The following C10orf90 variants were observed in gnomAD, a reference collection of about 807,000 sequenced individuals.
C10orf90 encodes chromosome 10 open reading frame 90.
In C10orf90, 56 loss-of-function variants were observed where a neutral mutation model predicts 62.5. The ratio of observed to expected loss-of-function variants is 0.90; its 90% CI spans 0.72 to 1.12. The LOEUF is 1.12. Ranked by LOEUF, C10orf90 falls within the 50% of genes most tolerant of loss-of-function variation. C10orf90 has a pLI of 0.00. For missense variants in C10orf90, 970 were observed against 880.4 expected, an observed-to-expected ratio of 1.10 and a Z score of -1.29; for synonymous variants, 386 against 340.4, an observed-to-expected ratio of 1.13 and a Z score of -1.47.
chr10:126,482,930 A>G (rs1026780603), intron 4 of C10orf90, among the ~76,000 whole-genome samples: 1 of 152,162 alleles, frequency 6.6e-6, no homozygotes, highest in Non-Finnish European at 1.5e-5. Context: ...GGCTTGGGGG[A>G]CCCTTAATTT....
intron 2 of C10orf90, among the ~76,000 whole-genome samples, chr10:126,526,445 C>T (rs1041527799): frequency 3.3e-5 from 5 of 152,118 alleles, no homozygotes; most frequent in African/African-American, 9.6e-5. Context: ...GGGGTTTCAC[C>T]GTGTTAGCCA....
chr10:126,594,315 G>GAT (rs1218330338), intron 2 of C10orf90, among the ~76,000 whole-genome samples: 1 of 152,014 alleles, frequency 6.6e-6, no homozygotes, highest in African/African-American at 2.4e-5. Context: ...ATGATTGTGT[G>GAT]ATATATATGT....
Position 126,612,307 on chromosome 10 carries a change from T to C in C10orf90, c.313+34258A>G, listed in dbSNP as rs796256124. 2.0e-5 allele frequency among the ~76,000 whole-genome samples: 3 copies of C among 152,076 alleles called. No individual in the cohort carries two copies. In the South Asian group the frequency reaches 6.2e-4, roughly 32 times the overall value. On this transcript the variant is annotated intron_variant, in intron 2 of 9. Transcript: ENST00000488181. Reference sequence around the variant, plus strand: ...CCACACTCCAGCCTGGGTGACAAAGTGAGACTGTGTCTTAAATAAAAAAAA... The same window carrying C: ...CCACACTCCAGCCTGGGTGACAAAGCGAGACTGTGTCTTAAATAAAAAAAA...
intron 1 of C10orf90, among the ~76,000 whole-genome samples, chr10:126,663,223 G>A (rs1216596431): frequency 6.6e-6 from 1 of 152,178 alleles, no homozygotes; most frequent in Non-Finnish European, 1.5e-5. Flanking sequence ...AAGAGCACCC[G>A]ATTTAGAGGG....
At chr10:126,481,709 C>T (rs1161403875) in intron 4 of C10orf90, among the ~76,000 whole-genome samples, 1 of 152,196 alleles carries the variant, frequency 6.6e-6, no homozygotes, top group Non-Finnish European at 1.5e-5. Flanking sequence ...TTCTGACTTT[C>T]TCCTTCCCTC....
At chr10:126,536,976 T>C (rs1377261478) in intron 2 of C10orf90, among the ~76,000 whole-genome samples, 1 of 152,154 alleles carries the variant, frequency 6.6e-6, no homozygotes, top group African/African-American at 2.4e-5. Context: ...GGACTGTAAG[T>C]GGGTTTGGTG....
Position 126,504,241 on chromosome 10 carries a change from T to C in C10orf90, c.1250A>G (p.Lys417Arg). The C allele has an allele frequency of 6.2e-7, 1 of 1,614,178 alleles. No homozygotes were observed. The highest frequency in any genetic ancestry group is 8.5e-7 in the Non-Finnish European group (1 of 1,180,038). ...VNREPISEALKQELLEGDQDL... is the reference protein window; with the variant it reads ...VNREPISEALRQELLEGDQDL... ...CTGGTCTCCCTCCAGGAGCTCCTGC[T>C]TCAGGGCTTCGCTTATTGGCTCTCT... Residue 417 changes from lysine to arginine, a missense_variant, in exon 4 of 10, where the codon AAG (lysine) becomes AGG (arginine). By Grantham distance (26) the Lys-to-Arg change is conservative. Transcript: ENST00000488181. The surrounding 1 kb of genome is among the most constrained non-coding windows in gnomAD (Gnocchi z 4.1).
intron 2 of C10orf90, among the ~76,000 whole-genome samples, chr10:126,565,022 TATATATTATATAAA>T (rs1844299788): frequency 6.8e-5 from 1 of 14,810 alleles, no homozygotes; most frequent in Non-Finnish European, 1.2e-4. Flanking sequence ...TAATATATAT[TATATATTATATAAA>T]ATATATAATA....
At chr10:126,651,215 A>G (rs377126158) in intron 1 of C10orf90, among the ~76,000 whole-genome samples, 24 of 152,302 alleles carry the variant, frequency 1.6e-4, no homozygotes, top group African/African-American at 5.5e-4. Context: ...CTCTCCCTTC[A>G]AGATACCTGA....
intron 2 of C10orf90, among the ~76,000 whole-genome samples, chr10:126,612,430 G>T (rs1179901771): frequency 1.3e-5 from 2 of 152,124 alleles, no homozygotes; most frequent in East Asian, 3.9e-4. Context: ...CTATTGGATG[G>T]CATGAAAGGA....
At chr10:126,604,771 T>C (rs1445944545) in intron 2 of C10orf90, among the ~76,000 whole-genome samples, 1 of 152,254 alleles carries the variant, frequency 6.6e-6, no homozygotes, top group Non-Finnish European at 1.5e-5. Context: ...CAAGCTTGAA[T>C]TTCTTTAGCT....
chr10:126,429,843 C>T lies in C10orf90; in HGVS notation c.2196G>A (p.Leu732=). ...FTIPHPLSDN[L]FKPKERCISE... is the part of the protein sequence containing the mutation. ...AAATGCACCGTTCTTTGGGTTTGAACAAGTTATCTGGAAAAAATAGAAAGA... is the reference window on the plus strand; with the variant it reads ...AAATGCACCGTTCTTTGGGTTTGAATAAGTTATCTGGAAAAAATAGAAAGA... The change falls in exon 8 of 10, where the codon TTG becomes TTA. Residue 732 remains leucine, a synonymous_variant. Transcript: ENST00000488181. The T allele has an allele frequency of 6.2e-7, 1 of 1,613,792 alleles. No individual in the cohort carries two copies. The highest frequency in any genetic ancestry group is 8.5e-7 in the Non-Finnish European group (1 of 1,179,752).
At chr10:126,571,951 G>T (rs2134004666) in intron 2 of C10orf90, among the ~76,000 whole-genome samples, 1 of 152,260 alleles carries the variant, frequency 6.6e-6, no homozygotes, top group Non-Finnish European at 1.5e-5. Context: ...CCCTGCTAGA[G>T]GTAGTGGCAA....
intron 7 of C10orf90, among the ~76,000 whole-genome samples, chr10:126,451,877 A>G (rs1859225331): frequency 6.6e-6 from 1 of 152,142 alleles, no homozygotes; most frequent in African/African-American, 2.4e-5. Flanking sequence ...ATCTAAAAAT[A>G]TCAAATTCAT....
chr10:126,450,039 A>G (rs939155882), intron 7 of C10orf90, among the ~76,000 whole-genome samples: 6 of 152,078 alleles, frequency 3.9e-5, no homozygotes, highest in African/African-American at 1.4e-4. Context: ...CACACAATGA[A>G]CTATATGAAA....
intron 2 of C10orf90, among the ~76,000 whole-genome samples, chr10:126,575,112 C>T (rs1288910878): frequency 6.6e-6 from 1 of 151,880 alleles, no homozygotes; most frequent in East Asian, 1.9e-4. Context: ...CCAAGGGAAC[C>T]TAAAAACTAT....
At chr10:126,491,214 T>G (rs1473164741) in intron 4 of C10orf90, among the ~76,000 whole-genome samples, 5 of 152,116 alleles carry the variant, frequency 3.3e-5, no homozygotes, top group African/African-American at 1.2e-4. Context: ...TTAGCCTGAG[T>G]GAAAGAAATC....
At chr10:126,463,863 G>A (rs2133738011) in intron 5 of C10orf90, among the ~76,000 whole-genome samples, 1 of 152,328 alleles carries the variant, frequency 6.6e-6, no homozygotes, top group East Asian at 1.9e-4. Context: ...ATAAAGCACA[G>A]CATCTGGCAT....
chr10:126,599,764 T>G (rs2576019), intron 2 of C10orf90, among the ~76,000 whole-genome samples: 23,157 of 152,114 alleles, frequency 0.15, 3,335 homozygotes, highest in African/African-American at 0.37. Context: ...CTCTTATTAT[T>G]TAACAAACAC....
Sources: gnomAD v4.1 joint callset for allele counts (sites outside exome capture counted in the v4.1 genomes callset) on GRCh38, gnomAD v4.1.1 for gene constraint, Gnocchi (gnomAD v3.1) non-coding constraint, MANE v1.5 for transcripts, NCBI Gene and HGNC (gene_info 2026-07-23, HGNC 2026-07-21) for gene names.